Variants in VRK3 observed in about 807,000 individuals in gnomAD.
VRK3 encodes VRK serine/threonine kinase 3, also known as serine/threonine-protein kinase VRK3.
Under a neutral mutation model 60.4 loss-of-function variants are expected in VRK3, and 50 were observed. The observed-to-expected ratio is 0.83, with a 90% confidence interval of 0.66 to 1.05. The LOEUF is 1.05. Among genes scored for constraint, VRK3 ranks in the 50% least tolerant of loss-of-function variants. The pLI, the probability that VRK3 is intolerant of heterozygous loss-of-function variation, is 0.00. For missense variants in VRK3, 549 were observed against 585.3 expected (o/e 0.94, Z 0.64); for synonymous variants, 246 against 227.8 (o/e 1.08, Z -0.72).
intron 14 of VRK3, among the ~76,000 whole-genome samples, chr19:49,977,256 C>T (rs993847771): frequency 5.9e-5 from 9 of 151,976 alleles, no homozygotes; most frequent in African/African-American, 9.7e-5. Flanking sequence ...GAAGGGAGCT[C>T]GGCCTCGGGC....
intron 9 of VRK3, 116 bp downstream of exon 9, chr19:49,994,698 C>T: frequency 1.1e-6 from 1 of 929,500 alleles, no homozygotes. Flanking sequence ...GAGCCAGCCC[C>T]CAGTGTGCAG....
chr19:49,981,777 C>G (rs1013525336), intron 12 of VRK3: 1 of 1,040,556 alleles, frequency 9.6e-7, no homozygotes, highest in Non-Finnish European at 1.2e-6. Flanking sequence ...CCCCACCCGT[C>G]CCAAGCACAC....
chr19:49,995,982 C>T (rs1014755024), intron 7 of VRK3, among the ~76,000 whole-genome samples: 3 of 151,990 alleles, frequency 2.0e-5, no homozygotes, highest in Non-Finnish European at 4.4e-5. Context: ...AGAGCAGTGG[C>T]GTGATCTCGG....
chr19:49,994,566 C>T (rs1196829689), intron 9 of VRK3, among the ~76,000 whole-genome samples: 3 of 152,228 alleles, frequency 2.0e-5, no homozygotes, highest in African/African-American at 7.2e-5. Context: ...ACCAGGAAGC[C>T]TAATCTAAGC....
chr19:50,016,237 CT>C, intron 2 of VRK3, 74 bp from the exon 3 acceptor site: 3 of 1,584,656 alleles, frequency 1.9e-6, no homozygotes, highest in Non-Finnish European at 2.6e-6. Flanking sequence ...TTGAACTGCT[CT>C]TAATCACAGG....
intron 1 of VRK3, among the ~76,000 whole-genome samples, chr19:50,024,143 G>T (rs1340290287): frequency 6.6e-6 from 1 of 152,060 alleles, no homozygotes; most frequent in East Asian, 1.9e-4. Flanking sequence ...TCACCATGTT[G>T]GCCAGGCTGG....
chr19:50,007,078 G>C (rs2076904597), intron 5 of VRK3, among the ~76,000 whole-genome samples: 1 of 152,172 alleles, frequency 6.6e-6, no homozygotes, highest in Non-Finnish European at 1.5e-5. Flanking sequence ...TCTCAGATCT[G>C]TGTGGGAGGC....
intron 7 of VRK3, chr19:49,997,277 C>A: frequency 2.2e-6 from 1 of 463,460 alleles, no homozygotes; most frequent in Non-Finnish European, 3.9e-6. Context: ...CAACCCACGC[C>A]CAGCCTGAAA....
At chr19:50,007,862 T>C in intron 4 of VRK3, 36 bp from the exon 5 acceptor site, 2 of 1,609,032 alleles carry the variant, frequency 1.2e-6, no homozygotes, top group African/African-American at 1.3e-5. Context: ...AAAAGCACCA[T>C]CCAGGAGAGA....
intron 7 of VRK3, 99 bp downstream of exon 7, chr19:49,997,405 A>G: frequency 1.5e-6 from 2 of 1,369,656 alleles, no homozygotes; most frequent in East Asian, 2.4e-5. Flanking sequence ...CCTTTAATCT[A>G]AGCCCACCCT....
intron 2 of VRK3, chr19:50,018,964 G>C (rs2077119865): frequency 6.6e-6 from 1 of 151,642 alleles, no homozygotes. Flanking sequence ...AGGAGATCGA[G>C]ACCATCTTGG....
chr19:50,000,841 G>A lies in VRK3; in HGVS notation c.561C>T (p.Ser187=). Residue 187 remains serine, a synonymous_variant, in exon 6 of 15, where the codon TCC becomes TCT. Transcript: ENST00000316763. ...QGILYEAAPT[S]TLTCDSGPQK... Reference sequence around the variant, plus strand: ...GTGGTCCTGAGTCACAGGTGAGGGTGGAGGTGGGTGCAGCTGTGGGGGAAC... The same window carrying A: ...GTGGTCCTGAGTCACAGGTGAGGGTAGAGGTGGGTGCAGCTGTGGGGGAAC... 1 of 1,613,948 alleles carries A rather than the reference G, an allele frequency of 6.2e-7. No homozygotes were observed. Among genetic ancestry groups the A allele is most frequent in the Non-Finnish European group, 8.5e-7 (1 of 1,179,928 alleles).
chr19:49,988,279 T>C (rs1268934808), intron 12 of VRK3, 93 bp downstream of exon 12: 1 of 1,516,972 alleles, frequency 6.6e-7, no homozygotes. Flanking sequence ...CCACCTCCCC[T>C]TCCCTCCTGC....
chr19:49,995,416 T>C (rs2076685295), intron 7 of VRK3, 141 bp from the exon 8 acceptor site: 1 of 702,526 alleles, frequency 1.4e-6, no homozygotes, highest in Non-Finnish European at 2.5e-6. Flanking sequence ...TGTGGGTGGG[T>C]GATGGTGGGA....
At chr19:50,014,142 C>T (rs568477014) in intron 3 of VRK3, among the ~76,000 whole-genome samples, 1 of 152,240 alleles carries the variant, frequency 6.6e-6, no homozygotes, top group East Asian at 1.9e-4. Context: ...TGGTACATAC[C>T]TGTAATCCCA....
At chr19:50,021,417 G>A (rs1007804671) in intron 1 of VRK3, among the ~76,000 whole-genome samples, 1 of 152,144 alleles carries the variant, frequency 6.6e-6, no homozygotes. Context: ...TGGCTGGCTC[G>A]CTCAGGATGC....
At chr19:50,014,918 C>G (rs2077050674) in intron 3 of VRK3, among the ~76,000 whole-genome samples, 1 of 151,984 alleles carries the variant, frequency 6.6e-6, no homozygotes, top group Non-Finnish European at 1.5e-5. Context: ...AAGGCTTCTG[C>G]ATAAGAGAGG....
chr19:50,025,089 C>G (rs55914901), intron 1 of VRK3, 178 bp downstream of exon 1: 9,136 of 152,342 alleles, frequency 0.06, 309 homozygotes, highest in Middle Eastern at 0.11. Flanking sequence ...CCCAAGGTGG[C>G]TTGGGAAGCT....
chr19:50,023,958 C>G (rs2077215237), intron 1 of VRK3, among the ~76,000 whole-genome samples: 1 of 152,198 alleles, frequency 6.6e-6, no homozygotes. Context: ...GCATGATGGA[C>G]AGAGTTTTGC....
Sources: allele counts gnomAD v4.1 joint callset (sites outside exome capture counted in the v4.1 genomes callset), GRCh38; gene constraint gnomAD v4.1.1; transcripts MANE v1.5; gene names NCBI Gene and HGNC (gene_info 2026-07-23, HGNC 2026-07-21).